Variants in STAG1 observed in about 807,000 individuals in gnomAD.
STAG1 encodes the protein cohesin subunit SA-1.
STAG1 carries 26 observed loss-of-function variants against 170.9 expected under a neutral mutation model. The ratio of observed to expected loss-of-function variants is 0.15; its 90% confidence interval spans 0.11 to 0.21. The LOEUF is 0.21. Ranked by LOEUF, STAG1 falls within the 10% of genes least tolerant of loss-of-function variation. The pLI is 1.00. For missense variants in STAG1, 964 were observed against 1,509.5 expected (o/e 0.64, Z 5.99); for synonymous variants, 514 against 497.7 (o/e 1.03, Z -0.44).
chr3:136,701,963 CTTTT>C, intron 1 of STAG1, among the ~76,000 whole-genome samples: 1 of 145,352 alleles, frequency 6.9e-6, no homozygotes, highest in East Asian at 2.0e-4. Flanking sequence ...TTCTTTTACT[CTTTT>C]TTTTTTTTGA....
chr3:136,521,195 A>G lies in STAG1; in HGVS notation c.676+18T>C, dbSNP rs200745716. On this transcript the variant is annotated intron_variant, in intron 7 of 33. Transcript: ENST00000383202. Reference sequence around the variant, plus strand: ...CAACAAAACTAAATGAAAAGGAAATAAAATGTTAATTACTTACCAGCCAGG... The same window carrying G: ...CAACAAAACTAAATGAAAAGGAAATGAAATGTTAATTACTTACCAGCCAGG... 30 of 1,597,826 alleles carry G rather than the reference A, an allele frequency of 1.9e-5. No homozygotes were observed. Among genetic ancestry groups the G allele is most frequent in the Non-Finnish European group, 1.8e-5 (21 of 1,166,372 alleles).
At chr3:136,703,209 A>G (rs1248953398) in intron 1 of STAG1, among the ~76,000 whole-genome samples, 1 of 152,220 alleles carries the variant, frequency 6.6e-6, no homozygotes, top group Non-Finnish European at 1.5e-5. Context: ...CCAGAACTCT[A>G]AAAGTCTAGT....
At chr3:136,637,975 G>C (rs1265814493) in intron 1 of STAG1, among the ~76,000 whole-genome samples, 2 of 151,624 alleles carry the variant, frequency 1.3e-5, no homozygotes, top group Non-Finnish European at 1.5e-5. Flanking sequence ...CTGGGCCCAA[G>C]TGATCCTGGC....
chr3:136,391,334 G>C (rs964563733), intron 22 of STAG1, among the ~76,000 whole-genome samples: 2 of 150,482 alleles, frequency 1.3e-5, no homozygotes, highest in Non-Finnish European at 3.0e-5. Flanking sequence ...AGATCCGCAG[G>C]CCAAAGAAAG....
At chr3:136,447,225 C>T (rs1232002899) in intron 14 of STAG1, among the ~76,000 whole-genome samples, 1 of 151,944 alleles carries the variant, frequency 6.6e-6, no homozygotes. Flanking sequence ...TGGCTCACGC[C>T]TGTAATCCCA....
chr3:136,466,548 G>C (rs932391825), intron 12 of STAG1, among the ~76,000 whole-genome samples: 2 of 152,196 alleles, frequency 1.3e-5, no homozygotes, highest in Non-Finnish European at 2.9e-5. Context: ...GAAAGTGACA[G>C]GAAGAATGGA....
At chr3:136,576,667 T>TCAA (rs1340738482) in intron 4 of STAG1, among the ~76,000 whole-genome samples, 6 of 152,092 alleles carry the variant, frequency 3.9e-5, no homozygotes, top group Non-Finnish European at 8.8e-5. Context: ...AAAAGAGCAG[T>TCAA]CAATATGGTG....
intron 10 of STAG1, among the ~76,000 whole-genome samples, chr3:136,475,037 T>A (rs1332335426): frequency 6.6e-6 from 1 of 151,800 alleles, no homozygotes; most frequent in Admixed American, 6.6e-5. Context: ...ACTCTCCCAA[T>A]CTCCCTGTGA....
At chr3:136,466,964 G>C (rs1027176448) in intron 12 of STAG1, among the ~76,000 whole-genome samples, 5 of 152,118 alleles carry the variant, frequency 3.3e-5, no homozygotes, top group Non-Finnish European at 7.4e-5. Flanking sequence ...AAGAGATTTT[G>C]TCACCACCAA....
chr3:136,541,538 T>TCACACACACACACACACACTCTCACACA, intron 6 of STAG1, among the ~76,000 whole-genome samples: 1 of 123,122 alleles, frequency 8.1e-6, no homozygotes, highest in Non-Finnish European at 1.7e-5. Flanking sequence ...AGCTTAACAT[T>TCACACACACACACACACACTCTCACACA]CACACACACA....
intron 14 of STAG1, among the ~76,000 whole-genome samples, chr3:136,446,702 CA>C (rs2088790734): frequency 1.3e-5 from 2 of 151,972 alleles, no homozygotes; most frequent in African/African-American, 2.4e-5. Context: ...GGATTACAGG[CA>C]TGAGTCACAG....
chr3:136,530,352 A>G (rs1935310181), intron 6 of STAG1, among the ~76,000 whole-genome samples: 2 of 152,160 alleles, frequency 1.3e-5, no homozygotes, highest in South Asian at 4.1e-4. Context: ...TTTAAACTAG[A>G]TCTTAAACCA....
chr3:136,538,394 A>G (rs1356369011), intron 6 of STAG1, among the ~76,000 whole-genome samples: 1 of 152,016 alleles, frequency 6.6e-6, no homozygotes, highest in East Asian at 1.9e-4. Flanking sequence ...GAAGGTCTCA[A>G]ATAATCACCA....
chr3:136,445,246 T>G (rs1417126893), intron 14 of STAG1, among the ~76,000 whole-genome samples: 6 of 152,114 alleles, frequency 3.9e-5, no homozygotes, highest in Admixed American at 3.9e-4. Flanking sequence ...GGCAAAGGTT[T>G]GAGGGAGATA....
At chr3:136,420,627 G>A (rs938385474) in intron 20 of STAG1, among the ~76,000 whole-genome samples, 10 of 152,154 alleles carry the variant, frequency 6.6e-5, no homozygotes, top group Non-Finnish European at 1.5e-4. Context: ...TACTGCCCAT[G>A]CTGAAGTGCA....
At chr3:136,731,675 CTT>C (rs1934050526) in intron 1 of STAG1, among the ~76,000 whole-genome samples, 1 of 152,196 alleles carries the variant, frequency 6.6e-6, no homozygotes, top group Non-Finnish European at 1.5e-5. Context: ...GCTTCAATGT[CTT>C]TATAACCACA....
chr3:136,386,350 A>C (rs1207317863), intron 22 of STAG1, among the ~76,000 whole-genome samples: 2 of 152,120 alleles, frequency 1.3e-5, no homozygotes, highest in African/African-American at 4.8e-5. Context: ...AAAATAAATA[A>C]ATAAAAATAA....
chr3:136,677,932 A>G (rs1942180606), intron 1 of STAG1, among the ~76,000 whole-genome samples: 7 of 147,298 alleles, frequency 4.8e-5, no homozygotes. Flanking sequence ...ACTTTGATAT[A>G]TATTATATAT....
intron 15 of STAG1, among the ~76,000 whole-genome samples, chr3:136,436,349 T>A (rs1228157607): frequency 6.6e-6 from 1 of 152,114 alleles, no homozygotes; most frequent in Non-Finnish European, 1.5e-5. Context: ...TGGCGTGATC[T>A]CGGCTCACTG....
Sources: gnomAD v4.1 joint callset for allele counts (sites outside exome capture counted in the v4.1 genomes callset) on GRCh38, gnomAD v4.1.1 for gene constraint, MANE v1.5 for transcripts, NCBI Gene and HGNC (gene_info 2026-07-23, HGNC 2026-07-21) for gene names.